OSBP: variants seen among roughly 807,000 people sequenced by gnomAD.
OSBP encodes oxysterol binding protein.
Under a neutral mutation model 96.6 loss-of-function variants are expected in OSBP, and 32 were observed. The ratio of observed to expected loss-of-function variants is 0.33; its 90% CI spans 0.25 to 0.45. The LOEUF is 0.45. OSBP is among the 20% of genes least tolerant of loss of function. The pLI, the probability that OSBP is intolerant of heterozygous loss-of-function variation, is 1.00. For synonymous variants in OSBP, 369 were observed against 389.6 expected (o/e 0.95, Z 0.62); for missense variants, 653 against 1,029.7 (o/e 0.63, Z 5.01).
chr11:59,585,002 GC>G (rs1463119972), intron 9 of OSBP, among the ~76,000 whole-genome samples: 9 of 152,190 alleles, frequency 5.9e-5, no homozygotes, highest in Non-Finnish European at 1.3e-4. Flanking sequence ...CCACCTCCCA[GC>G]CGCCTGCCTT....
intron 7 of OSBP, among the ~76,000 whole-genome samples, chr11:59,600,144 AAAT>A (rs1860703631): frequency 6.6e-6 from 1 of 152,210 alleles, no homozygotes; most frequent in South Asian, 2.1e-4. Context: ...CTATCACAGA[AAAT>A]AATGTTTTCT....
chr11:59,598,983 T>C (rs944246793), intron 7 of OSBP, among the ~76,000 whole-genome samples: 7 of 152,234 alleles, frequency 4.6e-5, no homozygotes, highest in Non-Finnish European at 1.5e-5. Flanking sequence ...AGCAGCCACT[T>C]TGGGCCTGAG....
intron 7 of OSBP, among the ~76,000 whole-genome samples, chr11:59,597,072 T>C (rs1020436932): frequency 2.0e-5 from 3 of 152,104 alleles, no homozygotes; most frequent in Admixed American, 1.3e-4. Context: ...TTCTTTCTTT[T>C]TTTTGAGATG....
At chr11:59,585,295 C>T (rs1860483738) in intron 9 of OSBP, among the ~76,000 whole-genome samples, 1 of 151,466 alleles carries the variant, frequency 6.6e-6, no homozygotes, top group Non-Finnish European at 1.5e-5. Context: ...GCCGCCCCGG[C>T]TGGGATGAGA....
chr11:59,611,130 C>T (rs1275254465), intron 1 of OSBP, among the ~76,000 whole-genome samples: 4 of 122,004 alleles, frequency 3.3e-5, no homozygotes, highest in East Asian at 4.3e-4. Flanking sequence ...AGCGAAACTC[C>T]GTCTCAAAAA....
chr11:59,614,776 C>T (rs768545958), intron 1 of OSBP, among the ~76,000 whole-genome samples: 1 of 152,206 alleles, frequency 6.6e-6, no homozygotes, highest in Non-Finnish European at 1.5e-5. Flanking sequence ...ACCGAAGCCA[C>T]CCTGTGTGTG....
intron 6 of OSBP, 37 bp downstream of exon 6, chr11:59,600,782 C>T (rs879182018): frequency 5.7e-6 from 9 of 1,587,960 alleles, no homozygotes; most frequent in Admixed American, 3.4e-5. Context: ...TCACAACCCA[C>T]GTCCCTCACC....
chr11:59,611,135 C>CAAAA (rs35074206), intron 1 of OSBP, among the ~76,000 whole-genome samples: 48 of 58,892 alleles, frequency 8.2e-4, no homozygotes, highest in South Asian at 2.1e-3. Context: ...AACTCCGTCT[C>CAAAA]AAAAAAAAAA....
intron 7 of OSBP, among the ~76,000 whole-genome samples, chr11:59,599,370 GGCC>G (rs1860692814): frequency 6.6e-6 from 1 of 152,040 alleles, no homozygotes; most frequent in Non-Finnish European, 1.5e-5. Flanking sequence ...TTGGCCTGAG[GGCC>G]TTAGTGTGAT....
chr11:59,612,837 G>A (rs1224949350), intron 1 of OSBP, among the ~76,000 whole-genome samples: 1 of 152,164 alleles, frequency 6.6e-6, no homozygotes, highest in Non-Finnish European at 1.5e-5. Context: ...ATGTTTCTGG[G>A]AGAGTTGGGA....
chr11:59,608,842 T>G, intron 2 of OSBP, 108 bp from the exon 3 acceptor site: 3 of 1,117,030 alleles, frequency 2.7e-6, no homozygotes, highest in South Asian at 2.8e-5. Flanking sequence ...CTGTGTGCAT[T>G]CTGACTCACT....
At chr11:59,598,561 G>A (rs759435168) in intron 7 of OSBP, among the ~76,000 whole-genome samples, 2 of 152,298 alleles carry the variant, frequency 1.3e-5, no homozygotes, top group African/African-American at 2.4e-5. Flanking sequence ...ACAGATTTAA[G>A]TGATAGTGAT....
In OSBP at chr11:59,588,940, G is replaced by A. The variant is rs537055848; in HGVS notation, c.1678+4664C>T. On this transcript the variant is annotated intron_variant, in intron 9 of 13. Coordinates refer to ENST00000263847, the MANE Select transcript of OSBP (RefSeq NM_002556.3). Reference sequence around the variant, plus strand: ...GAATCAGTTGAACCCAGGAGCGGGAGGTTGCAGTGAACCAAGATCACACCA... The same window carrying A: ...GAATCAGTTGAACCCAGGAGCGGGAAGTTGCAGTGAACCAAGATCACACCA... Among the ~76,000 whole-genome samples, 8 of 152,146 alleles carry A rather than the reference G, an allele frequency of 5.3e-5. No individual in the cohort carries two copies. In the South Asian group the frequency reaches 1.7e-3, roughly 32 times the overall value.
chr11:59,606,485 G>T (rs1475501253), intron 3 of OSBP, among the ~76,000 whole-genome samples: 1 of 151,158 alleles, frequency 6.6e-6, no homozygotes, highest in Non-Finnish European at 1.5e-5. Context: ...TAAACATTGG[G>T]TACACACCAA....
At chr11:59,614,178 G>A (rs1352601205) in intron 1 of OSBP, among the ~76,000 whole-genome samples, 1 of 152,112 alleles carries the variant, frequency 6.6e-6, no homozygotes, top group African/African-American at 2.4e-5. Context: ...GTAACTGACC[G>A]ATTCATTTCA....
chr11:59,601,424 C>T (rs1860723174), intron 4 of OSBP, 39 bp from the exon 5 acceptor site: 1 of 1,447,024 alleles, frequency 6.9e-7, no homozygotes, highest in Non-Finnish European at 9.7e-7. Flanking sequence ...CTTTGGTTAT[C>T]TTTACCAAAT....
intron 7 of OSBP, among the ~76,000 whole-genome samples, chr11:59,596,166 A>G (rs1019318697): frequency 1.5e-4 from 23 of 152,034 alleles, no homozygotes; most frequent in Admixed American, 1.2e-3. Context: ...CTACACTGAA[A>G]GACAAGCAGT....
At position 59,608,716 on chromosome 11, in the gene OSBP, T is replaced by C; in HGVS notation, c.590A>G (p.Glu197Gly). 6.2e-7 allele frequency: 1 copy of C among 1,614,126 alleles called. No homozygotes were observed. Among genetic ancestry groups the C allele is most frequent in the Non-Finnish European group, 8.5e-7 (1 of 1,179,944 alleles). The change falls in exon 3 of 14, where the codon GAG becomes GGG. Residue 197 changes from glutamate (E) to glycine (G), a missense_variant. Glu to Gly is a moderately conservative substitution (Grantham distance 98, BLOSUM62 -2). Around this residue, in one of 6 missense-constraint regions of OSBP, gnomAD observed 308 missense variants for 573.1 expected, o/e 0.54. Coordinates refer to ENST00000263847, the MANE Select transcript of OSBP (RefSeq NM_002556.3). ...AGTCTTGTCAGTTTGTGAGACAGAC[T>C]CTTCATCTCCTGATTCATCTGTAGG... ...LAESDESGDEESVSQTDKTEL... is the reference protein window; with the variant it reads ...LAESDESGDEGSVSQTDKTEL...
At chr11:59,596,811 G>T (rs7121463) in intron 7 of OSBP, among the ~76,000 whole-genome samples, 2 of 152,086 alleles carry the variant, frequency 1.3e-5, no homozygotes, top group Admixed American at 6.5e-5. Context: ...TAGAGGGAGA[G>T]ACTTCCCACG....
Sources: gnomAD v4.1 joint callset for allele counts (sites outside exome capture counted in the v4.1 genomes callset) on GRCh38, gnomAD v4.1.1 for gene constraint, gnomAD v4.1.1 regional missense constraint, MANE v1.5 for transcripts, NCBI Gene and HGNC (gene_info 2026-07-23, HGNC 2026-07-21) for gene names.